Variants in SART3 observed in about 807,000 individuals in gnomAD.
The protein encoded by SART3 is HIV-1 Tat-interacting protein of 110kDa.
Under a neutral mutation model 122.3 loss-of-function variants are expected in SART3, and 44 were observed. The ratio of observed to expected loss-of-function variants is 0.36; its 90% CI spans 0.28 to 0.46. The LOEUF (loss-of-function observed/expected upper bound fraction) is 0.46, where lower values mean the gene tolerates loss of function less well. SART3 is among the 20% of genes least tolerant of loss of function. SART3 has a pLI of 1.00. For missense variants in SART3, 1,101 were observed against 1,229.0 expected (o/e 0.90, Z 1.56); for synonymous variants, 442 against 454.0 (o/e 0.97, Z 0.34).
chr12:108,537,319 C>A, intron 9 of SART3, 169 bp downstream of exon 9: 1 of 638,738 alleles, frequency 1.6e-6, no homozygotes, highest in Non-Finnish European at 2.9e-6. Flanking sequence ...CAATCCACAT[C>A]ATGACTTGTT....
intron 3 of SART3, among the ~76,000 whole-genome samples, chr12:108,547,254 A>C (rs1873468382): frequency 6.6e-6 from 1 of 152,244 alleles, no homozygotes; most frequent in East Asian, 1.9e-4. Context: ...TGAGTCTTCT[A>C]TACTTCACTT....
intron 6 of SART3, among the ~76,000 whole-genome samples, chr12:108,539,569 T>C (rs947642442): frequency 1.2e-4 from 18 of 152,370 alleles, no homozygotes; most frequent in African/African-American, 4.1e-4. Flanking sequence ...AAGGCAGCTG[T>C]GCTGAATGTT....
At chr12:108,547,298 G>A (rs143440762) in intron 3 of SART3, among the ~76,000 whole-genome samples, 1 of 152,348 alleles carries the variant, frequency 6.6e-6, no homozygotes, top group East Asian at 1.9e-4. Flanking sequence ...GCAGGCGAGG[G>A]AGGTCTCTGT....
intron 3 of SART3, among the ~76,000 whole-genome samples, chr12:108,547,245 G>A (rs1410973390): frequency 2.0e-5 from 3 of 152,188 alleles, no homozygotes; most frequent in Admixed American, 6.5e-5. Context: ...AAAGGGAGGT[G>A]AGTCTTCTAT....
intron 3 of SART3, 58 bp from the exon 4 acceptor site, chr12:108,545,381 G>C (rs1873358049): frequency 1.3e-6 from 2 of 1,562,806 alleles, no homozygotes; most frequent in African/African-American, 2.7e-5. Flanking sequence ...TATCAAAACT[G>C]ATGCATAACA....
At chr12:108,555,054 G>A (rs945755307) in intron 1 of SART3, among the ~76,000 whole-genome samples, 1 of 152,186 alleles carries the variant, frequency 6.6e-6, no homozygotes, top group Non-Finnish European at 1.5e-5. Context: ...GTTATCAGGG[G>A]ATTGGGAAGG....
At chr12:108,559,764 G>A (rs2030404509) in intron 1 of SART3, among the ~76,000 whole-genome samples, 2 of 151,410 alleles carry the variant, frequency 1.3e-5, no homozygotes, top group African/African-American at 4.9e-5. Context: ...CTGTGTCCCC[G>A]AGTATAGACC....
At chr12:108,531,670 C>A in intron 13 of SART3, 1 of 271,884 alleles carries the variant, frequency 3.7e-6, no homozygotes, top group South Asian at 4.2e-5. Context: ...TACCCAAAAT[C>A]CAGACCAATA....
chr12:108,548,843 T>C (rs2029882553), intron 2 of SART3, among the ~76,000 whole-genome samples: 1 of 152,216 alleles, frequency 6.6e-6, no homozygotes, highest in African/African-American at 2.4e-5. Context: ...TTTAATTACA[T>C]TACAAATGTT....
intron 15 of SART3, among the ~76,000 whole-genome samples, chr12:108,527,176 C>T (rs891745840): frequency 6.6e-6 from 1 of 152,208 alleles, no homozygotes; most frequent in Admixed American, 6.5e-5. Context: ...CAACGTAAGC[C>T]CTGCACACTG....
At position 108,525,443 on chromosome 12, in the gene SART3, GCTCTGA is replaced by G; in HGVS notation, c.2523+8_2523+13del. 1.1e-5 allele frequency: 17 copies of G among 1,614,040 alleles called. No homozygotes were observed. The highest frequency in any genetic ancestry group is 1.4e-5 in the Non-Finnish European group (17 of 1,179,994). ...AAGCCTTGAAGACAAGGCACAATCT[GCTCTGA>G]CTCTGACCTTTGGTTTGCCAGCCCG... On this transcript the variant is annotated splice_region_variant and intron_variant, in intron 17 of 18. Coordinates refer to ENST00000546815, the MANE Select transcript of SART3 (RefSeq NM_014706.4).
rs374432075 is a variant in SART3 at position 108,525,520 on chromosome 12, G to C, written c.2460C>G (p.Ile820Met). The C allele has an allele frequency of 3.7e-6, 6 of 1,614,078 alleles. No individual in the cohort carries two copies. The African/African-American group carries it at 6.7e-5, about 18-fold the overall frequency. ...CCTTCACGGTGCCATGAGCCTTACA[G>C]ATTTCTTCTAGTTCCTCTTTAGTAC... ...FSCTKEELEE[I>M]CKAHGTVKDL... The change falls in exon 17 of 19, where the codon ATC (isoleucine) becomes ATG (methionine). Residue 820 changes from isoleucine to methionine, a missense_variant. Coordinates refer to ENST00000546815, the MANE Select transcript of SART3 (RefSeq NM_014706.4).
chr12:108,526,527 C>T lies in SART3; in HGVS notation c.1942G>A (p.Glu648Lys), dbSNP rs777311922. 1.2e-6 allele frequency: 2 copies of T among 1,614,046 alleles called. No homozygotes were observed. The highest frequency in any genetic ancestry group is 1.7e-6 in the Non-Finnish European group (2 of 1,180,040). ...TCTCCAGCTGCAGGGATGCTGTTCT[C>T]GACCCTTCTGCGTTTGGAAGGCTGC... ...EEQPSKRRRV[E>K]NSIPAAGETQ... The change falls in exon 16 of 19, where the codon GAG becomes AAG. Residue 648 changes from glutamate (E) to lysine (K), a missense_variant. Glu to Lys is a moderately conservative substitution (Grantham distance 56). This residue lies in a region of SART3 where 885 missense variants were observed against 1,080.1 expected (regional missense o/e 0.82). Coordinates refer to ENST00000546815, the MANE Select transcript of SART3 (RefSeq NM_014706.4).
chr12:108,528,449 C>T (rs570866410), intron 15 of SART3, among the ~76,000 whole-genome samples: 48 of 148,356 alleles, frequency 3.2e-4, no homozygotes, highest in Middle Eastern at 3.5e-3. Flanking sequence ...CGCAACTGCA[C>T]TCCAGCCTGG....
chr12:108,551,294 T>C (rs559098211), intron 1 of SART3, among the ~76,000 whole-genome samples: 2 of 152,206 alleles, frequency 1.3e-5, no homozygotes, highest in African/African-American at 4.8e-5. Context: ...CAGGAAGACA[T>C]AACAATCCTA....
intron 6 of SART3, chr12:108,542,645 C>A: frequency 2.9e-6 from 1 of 342,360 alleles, no homozygotes; most frequent in Non-Finnish European, 5.7e-6. Flanking sequence ...AGCATGATTC[C>A]AATATATAAA....
chr12:108,551,953 G>A (rs1335339048), intron 1 of SART3, among the ~76,000 whole-genome samples: 3 of 151,934 alleles, frequency 2.0e-5, no homozygotes, highest in South Asian at 2.1e-4. Context: ...AAAACAGTAC[G>A]GAGGAAAATT....
At chr12:108,546,522 CTTTTT>C (rs59151146) in intron 3 of SART3, among the ~76,000 whole-genome samples, 4 of 137,648 alleles carry the variant, frequency 2.9e-5, no homozygotes, top group Non-Finnish European at 4.7e-5. Context: ...TTTTTTAATG[CTTTTT>C]TTTTTTTTTT....
intron 6 of SART3, among the ~76,000 whole-genome samples, chr12:108,541,989 C>T (rs191812219): frequency 1.4e-5 from 2 of 145,798 alleles, no homozygotes; most frequent in African/African-American, 2.5e-5. Flanking sequence ...CACATGCCAC[C>T]AAGCCCGGCT....
Sources: gnomAD v4.1 joint callset for allele counts (sites outside exome capture counted in the v4.1 genomes callset) on GRCh38, gnomAD v4.1.1 for gene constraint, gnomAD v4.1.1 regional missense constraint, MANE v1.5 for transcripts, NCBI Gene and HGNC (gene_info 2026-07-23, HGNC 2026-07-21) for gene names.